Variants in PPM1B observed in about 807,000 individuals in gnomAD.
PPM1B encodes the protein protein phosphatase 1B.
Under a neutral mutation model 43.0 loss-of-function variants are expected in PPM1B, and 22 were observed. The observed-to-expected ratio is 0.51, with a 90% CI of 0.37 to 0.73. The LOEUF (loss-of-function observed/expected upper bound fraction) is 0.73, where lower values mean the gene tolerates loss of function less well. PPM1B is among the 30% of genes least tolerant of loss of function. The pLI, the probability that PPM1B is intolerant of heterozygous loss-of-function variation, is 0.00. For synonymous variants in PPM1B, 217 were observed against 197.9 expected, an observed-to-expected ratio of 1.10 and a Z score of -0.81; for missense variants, 632 against 584.2, an observed-to-expected ratio of 1.08 and a Z score of -0.84.
intron 1 of PPM1B, among the ~76,000 whole-genome samples, chr2:44,170,734 A>AT (rs1466415376): frequency 3.3e-5 from 5 of 152,260 alleles, no homozygotes; most frequent in Non-Finnish European, 7.3e-5. Context: ...TATTCTAATT[A>AT]TTATGATAGT....
chr2:44,226,553 A>T (rs1333348903), intron 5 of PPM1B, among the ~76,000 whole-genome samples: 1 of 152,142 alleles, frequency 6.6e-6, no homozygotes, highest in Non-Finnish European at 1.5e-5. Context: ...TTAAAAGAAC[A>T]ACCCAAATCC....
At chr2:44,186,669 C>G (rs1668139469) in intron 1 of PPM1B, among the ~76,000 whole-genome samples, 1 of 152,244 alleles carries the variant, frequency 6.6e-6, no homozygotes, top group Non-Finnish European at 1.5e-5. Flanking sequence ...GCCATTGTGC[C>G]TGGCCTGATT....
At position 44,225,168 on chromosome 2, in the gene PPM1B, A is replaced by T. The variant is rs141817440; in HGVS notation, c.1135-5245A>T. On this transcript the variant is annotated intron_variant, in intron 5 of 5. Transcript: ENST00000282412. ...CTGTGAGGATTCAGTAAGATTATGTATATAAAGTTCTTAGCACAAATATTA... is the reference window on the plus strand; with the variant it reads ...CTGTGAGGATTCAGTAAGATTATGTTTATAAAGTTCTTAGCACAAATATTA... Among the ~76,000 whole-genome samples the T allele has an allele frequency of 3.4e-3, 515 of 152,370 alleles. 1 individual carries two copies. The highest frequency in any genetic ancestry group is 0.012 in the African/African-American group (499 of 41,582).
chr2:44,231,334 C>CTA lies in PPM1B; in HGVS notation c.*618_*619dup. ...TTATGAAACATAACTTTTGAAAAAC[C>CTA]TATGTATTATTCATACAGCTTTGGT... On this transcript the variant is annotated 3_prime_UTR_variant, in exon 6 of 6. Coordinates refer to ENST00000282412, the MANE Select transcript of PPM1B (RefSeq NM_002706.6). The CTA allele has an allele frequency of 1.0e-6, 1 of 979,108 alleles. No homozygotes were observed. The highest frequency in any genetic ancestry group is 1.2e-6 in the Non-Finnish European group (1 of 824,314). The allele number at this position is 979,108 out of a possible 1,614,324, so 60.7% of individuals were successfully genotyped here.
At chr2:44,176,769 T>C (rs1200520327) in intron 1 of PPM1B, among the ~76,000 whole-genome samples, 1 of 152,248 alleles carries the variant, frequency 6.6e-6, no homozygotes, top group Non-Finnish European at 1.5e-5. Flanking sequence ...CATTTGATCT[T>C]CATTGCTAAA....
At chr2:44,218,781 G>C (rs1264057534) in intron 5 of PPM1B, 2 of 448,466 alleles carry the variant, frequency 4.5e-6, no homozygotes, top group East Asian at 1.1e-4. Context: ...TTTTTGTTTG[G>C]GCTGTCTTTA....
At chr2:44,180,103 C>A (rs1667796814) in intron 1 of PPM1B, among the ~76,000 whole-genome samples, 1 of 151,180 alleles carries the variant, frequency 6.6e-6, no homozygotes, top group South Asian at 2.1e-4. Context: ...CTTGGAAGGA[C>A]AGTACTTGAA....
At chr2:44,229,917 C>A in intron 5 of PPM1B, 1 of 1,277,166 alleles carries the variant, frequency 7.8e-7, no homozygotes, top group Non-Finnish European at 1.1e-6. Flanking sequence ...AATTTTTATC[C>A]GTAAAAACTC....
chr2:44,236,578 T>C (rs1376903428), downstream of PPM1B, among the ~76,000 whole-genome samples: 3 of 152,102 alleles, frequency 2.0e-5, no homozygotes, highest in Admixed American at 1.3e-4. Flanking sequence ...ATTAGCCGTA[T>C]ATTTGAGCCA....
At chr2:44,233,460 A>C, downstream of PPM1B, 3 of 984,504 alleles carry the variant, frequency 3.0e-6, no homozygotes, top group Non-Finnish European at 1.2e-6. Context: ...TATTAAATTC[A>C]ATTAATGCTG....
chr2:44,182,561 A>G (rs537880882), intron 1 of PPM1B, among the ~76,000 whole-genome samples: 7 of 152,296 alleles, frequency 4.6e-5, no homozygotes, highest in South Asian at 2.1e-4. Flanking sequence ...GTGCCTGGCC[A>G]ATACTAGTAA....
At chr2:44,183,714 A>T (rs756816159) in intron 1 of PPM1B, among the ~76,000 whole-genome samples, 11 of 152,026 alleles carry the variant, frequency 7.2e-5, no homozygotes, top group Non-Finnish European at 1.5e-5. Flanking sequence ...TTGGAATTGG[A>T]CTGCATGATT....
chr2:44,201,765 T>C lies in PPM1B; in HGVS notation c.566T>C (p.Ile189Thr), dbSNP rs997492473. Reference sequence around the variant, plus strand: ...CAAAATGCAGGAGGCAGCGTGATGATACAACGTGTTAATGGTTCATTAGCA... The same window carrying C: ...CAAAATGCAGGAGGCAGCGTGATGACACAACGTGTTAATGGTTCATTAGCA... ...RIQNAGGSVM[I>T]QRVNGSLAVS... is the part of the protein sequence containing the mutation. The change falls in exon 2 of 6, where the codon ATA becomes ACA. Residue 189 changes from isoleucine (I) to threonine (T), a missense_variant. Ile to Thr is a moderately conservative substitution (Grantham distance 89). Coordinates refer to ENST00000282412, the MANE Select transcript of PPM1B (RefSeq NM_002706.6). The surrounding 1 kb of genome is among the most constrained non-coding windows in gnomAD (Gnocchi z 5.4). The C allele has an allele frequency of 1.2e-5, 20 of 1,614,100 alleles. No individual in the cohort carries two copies. In the Admixed American group the frequency reaches 3.3e-4, roughly 27 times the overall value.
At chr2:44,178,375 C>G (rs577091120) in intron 1 of PPM1B, among the ~76,000 whole-genome samples, 7 of 150,898 alleles carry the variant, frequency 4.6e-5, no homozygotes, top group African/African-American at 1.7e-4. Context: ...TCTTATAGCC[C>G]TAACTAGATA....
intron 3 of PPM1B, among the ~76,000 whole-genome samples, chr2:44,210,078 G>T (rs6730278): frequency 6.6e-6 from 1 of 151,870 alleles, no homozygotes; most frequent in Admixed American, 6.6e-5. Context: ...TCTTAATTCC[G>T]CTAATACTAA....
chr2:44,212,042 G>A (rs1352782552), intron 3 of PPM1B, among the ~76,000 whole-genome samples: 5 of 152,104 alleles, frequency 3.3e-5, no homozygotes, highest in East Asian at 3.9e-4. Context: ...GAATCACCGC[G>A]CCTGGTTTAG....
At position 44,201,116 on chromosome 2, in the gene PPM1B, T is replaced by C; in HGVS notation, c.-14-70T>C. 7.0e-7 allele frequency: 1 copy of C among 1,423,606 alleles called. No homozygotes were observed. The allele number at this position is 1,423,606 out of a possible 1,614,324, so 88.2% of individuals were successfully genotyped here. On this transcript the variant is annotated intron_variant, in intron 1 of 5. Coordinates refer to ENST00000282412, the MANE Select transcript of PPM1B (RefSeq NM_002706.6). This position sits in a 1 kb window ranked among gnomAD's most constrained non-coding sequence, Gnocchi z 5.4. ...ATACTTGAGGTAGGAGTTACTAGAC[T>C]ATAGAGGGAATATTGTACATACATT...
intron 1 of PPM1B, among the ~76,000 whole-genome samples, chr2:44,185,249 C>A (rs1219005248): frequency 6.6e-6 from 1 of 152,098 alleles, no homozygotes; most frequent in Non-Finnish European, 1.5e-5. Context: ...TTTGGAAAAG[C>A]ATGACAAGTG....
chr2:44,183,174 T>C (rs1392857021), intron 1 of PPM1B, among the ~76,000 whole-genome samples: 1 of 152,232 alleles, frequency 6.6e-6, no homozygotes, highest in Admixed American at 6.5e-5. Context: ...TTGTAGTTTA[T>C]GGGGGAATAA....
Sources: gnomAD v4.1 joint callset for allele counts (sites outside exome capture counted in the v4.1 genomes callset) on GRCh38, gnomAD v4.1.1 for gene constraint, Gnocchi (gnomAD v3.1) non-coding constraint, MANE v1.5 for transcripts, NCBI Gene and HGNC (gene_info 2026-07-23, HGNC 2026-07-21) for gene names.